The following CELSR2 variants were observed in gnomAD, a reference collection of about 807,000 sequenced individuals.
CELSR2 encodes cadherin EGF LAG seven-pass G-type receptor 2.
Under a neutral mutation model 251.6 loss-of-function variants are expected in CELSR2, and 81 were observed. The ratio of observed to expected loss-of-function variants is 0.32; its 90% CI spans 0.27 to 0.39. CELSR2 has a LOEUF of 0.39. CELSR2 is among the 10% of genes least tolerant of loss of function. The pLI is 1.00. For missense variants in CELSR2, 3,365 were observed against 3,947.7 expected, an observed-to-expected ratio of 0.85 and a Z score of 3.96; for synonymous variants, 1,721 against 1,670.5, an observed-to-expected ratio of 1.03 and a Z score of -0.74.
rs1249108184 is a variant in CELSR2, at chr1:109,250,187, C to T, written c.108C>T (p.Pro36=). Residue 36 remains proline (P), a synonymous_variant, in exon 1 of 34, where the codon CCC becomes CCT. Coordinates refer to ENST00000271332, the MANE Select transcript of CELSR2 (RefSeq NM_001408.3). This position sits in a 1 kb window ranked among gnomAD's most constrained non-coding sequence, Gnocchi z 4.4. ...CACTATTGGGAGACCAAGTGGGGCC[C>T]TGTCGTTCCTTGGGGTCCAGGGGAC... ...PPPLLGDQVG[P]CRSLGSRGRG... is the part of the protein sequence containing the mutation. The T allele has an allele frequency of 2.5e-6, 4 of 1,601,064 alleles. No homozygotes were observed. The highest frequency in any genetic ancestry group is 2.6e-6 in the Non-Finnish European group (3 of 1,175,466).
At chr1:109,260,732 A>G (rs548417376) in intron 2 of CELSR2, among the ~76,000 whole-genome samples, 2 of 152,276 alleles carry the variant, frequency 1.3e-5, no homozygotes, top group African/African-American at 4.8e-5. Flanking sequence ...CAAGTGTCCC[A>G]GCAGGCCTGT....
In CELSR2 at chr1:109,264,872, C is replaced by T; in HGVS notation, c.5469C>T (p.Tyr1823=). The part of the protein sequence containing the change: ...DSYSCSCDPG[Y]YGDNCTNVCD... ...CTCTGGTCCTTCTGGTCCCAGGTTA[C>T]TATGGTGACAACTGTACTAATGTGT... is the stretch of plus-strand genomic sequence containing the variant. The change falls in exon 12 of 34, where the codon TAC becomes TAT. Residue 1823 remains tyrosine, a synonymous_variant. Coordinates refer to ENST00000271332, the MANE Select transcript of CELSR2 (RefSeq NM_001408.3). 3 of 1,614,196 alleles carry T rather than the reference C, an allele frequency of 1.9e-6. No individual in the cohort carries two copies. Among genetic ancestry groups the T allele is most frequent in the Non-Finnish European group, 1.7e-6 (2 of 1,180,024 alleles).
chr1:109,264,278 G>A lies in CELSR2; in HGVS notation c.5202G>A (p.Leu1734=). The change falls in exon 10 of 34, where the codon CTG becomes CTA. Residue 1734 remains leucine, a synonymous_variant. Transcript: ENST00000271332. The part of the protein sequence containing the change: ...QRAEGNLGPR[L]HGLHLSNITV... ...CAGAGGGCAACCTGGGCCCCCGGCT[G>A]CATGGTCTGCACCTGAGCAACATAA... 1 of 1,613,966 alleles carries A rather than the reference G, an allele frequency of 6.2e-7. No individual in the cohort carries two copies. The highest frequency in any genetic ancestry group is 8.5e-7 in the Non-Finnish European group (1 of 1,180,008).
rs202182372 is a variant in CELSR2, at chr1:109,273,561, C to A, written c.8635C>A (p.Pro2879Thr). The change falls in exon 33 of 34, where the codon CCT becomes ACT. Residue 2879 changes from proline (P) to threonine (T), a missense_variant. This residue lies in a region of CELSR2 where 2,093 missense variants were observed against 2,382.8 expected (regional missense o/e 0.88). Coordinates refer to ENST00000271332, the MANE Select transcript of CELSR2 (RefSeq NM_001408.3). ...SASEGSRGGP[P>T]PRPPPRQSLQ... ...TAGTGAGGGCAGCCGGGGAGGCCCC[C>A]CTCCCCGCCCACCGCCCCGGCAGAG... 4.2e-4 allele frequency: 656 copies of A among 1,568,400 alleles called. No individual in the cohort carries two copies. The highest frequency in any genetic ancestry group is 5.2e-4 in the Non-Finnish European group (598 of 1,157,168).
rs1305911611 is a variant in CELSR2, at chr1:109,249,903, TC to T, written c.-176del. 2 of 454,696 alleles carry T rather than the reference TC, an allele frequency of 4.4e-6. No homozygotes were observed. Among genetic ancestry groups the T allele is most frequent in the African/African-American group, 4.2e-5 (2 of 47,480 alleles). The allele number at this position is 454,696 out of a possible 1,614,324, so 28.2% of individuals were successfully genotyped here. A position where few individuals can be genotyped will look rare whatever the true frequency, so the allele number is the denominator to read the frequency against. On this transcript the variant is annotated 5_prime_UTR_variant, in exon 1 of 34. Coordinates refer to ENST00000271332, the MANE Select transcript of CELSR2 (RefSeq NM_001408.3). ...AGGGGGCAGTGGGAGCCCGGGCTCG[TC>T]GGAGGGTGCAGCGCGGGGTCCCGCC...
Position 109,258,863 on chromosome 1 carries a change from C to CGCT in CELSR2, c.3743_3745dup (p.Arg1248_Phe1249insCys), listed in dbSNP as rs1312903083. The CGCT allele has an allele frequency of 2.5e-6, 4 of 1,612,208 alleles. No individual in the cohort carries two copies. In the African/African-American group the frequency reaches 5.3e-5, roughly 22 times the overall value. The stretch of plus-strand genomic sequence containing the variant: ...CTACATGCGCTGCGTGTCGGTGCTG[C>CGCT]GCTTCGACTCCTCCGCGCCCTTCAT... On this transcript the variant is annotated inframe_insertion, in exon 2 of 34. Transcript: ENST00000271332.
rs1333372374 is a variant in CELSR2 at position 109,274,065 on chromosome 1, C to T, written c.*16C>T. On this transcript the variant is annotated 3_prime_UTR_variant, in exon 34 of 34. Coordinates refer to ENST00000271332, the MANE Select transcript of CELSR2 (RefSeq NM_001408.3). Reference sequence around the variant, plus strand: ...CCTGCATTAACCCTGGGCCGTGGTTCCTACGCCCGAGGCTCCCTTCCCTTC... The same window carrying T: ...CCTGCATTAACCCTGGGCCGTGGTTTCTACGCCCGAGGCTCCCTTCCCTTC... The T allele has an allele frequency of 6.2e-7, 1 of 1,613,968 alleles. No homozygotes were observed. Among genetic ancestry groups the T allele is most frequent in the African/African-American group, 1.3e-5 (1 of 74,904 alleles).
Position 109,261,484 on chromosome 1 carries a change from C to T in CELSR2, c.4182-29C>T. The T allele has an allele frequency of 6.3e-7, 1 of 1,596,248 alleles. No individual in the cohort carries two copies. Among genetic ancestry groups the T allele is most frequent in the South Asian group, 1.1e-5 (1 of 90,758 alleles). ...CTGGCATCCAGGTGGGTACCCCATT[C>T]CCTGCCCCCATCCCCAACTCCTGTT... On this transcript the variant is annotated intron_variant, in intron 3 of 33. Transcript: ENST00000271332. The surrounding 1 kb of genome is among the most constrained non-coding windows in gnomAD (Gnocchi z 4.8).
Position 109,261,639 on chromosome 1 carries a change from T to C in CELSR2, c.4297+11T>C. On this transcript the variant is annotated intron_variant, in intron 4 of 33. Coordinates refer to ENST00000271332, the MANE Select transcript of CELSR2 (RefSeq NM_001408.3). The surrounding 1 kb of genome is among the most constrained non-coding windows in gnomAD (Gnocchi z 4.8). The stretch of plus-strand genomic sequence containing the variant: ...TCACCTTCTCTGCAGGTGATCACAG[T>C]TGCCCCCCATCCTTGCCCATCTTCC... 1 of 1,605,926 alleles carries C rather than the reference T, an allele frequency of 6.2e-7. No homozygotes were observed. Among genetic ancestry groups the C allele is most frequent in the Non-Finnish European group, 8.5e-7 (1 of 1,172,534 alleles).
Position 109,268,020 on chromosome 1 carries a change from G to A in CELSR2, c.6278G>A (p.Gly2093Asp). Residue 2093 changes from glycine to aspartate, a missense_variant, in exon 17 of 34, where the codon GGC becomes GAC. Transcript: ENST00000271332. The part of the protein sequence containing the change: ...RLLAHESTQR[G>D]FGLSATQDVH... ...CTGGCCCACGAGAGCACCCAGCGGG[G>A]CTTTGGGCTGTCTGCCACACAGGAC... 6.2e-7 allele frequency: 1 copy of A among 1,607,828 alleles called. No homozygotes were observed. Among genetic ancestry groups the A allele is most frequent in the Non-Finnish European group, 8.5e-7 (1 of 1,178,754 alleles).
chr1:109,255,718 A>G (rs1655824911), intron 1 of CELSR2, among the ~76,000 whole-genome samples: 1 of 152,234 alleles, frequency 6.6e-6, no homozygotes, highest in East Asian at 1.9e-4. Context: ...CCAGGAAGAC[A>G]GCTCAGGCAA....
At position 109,272,726 on chromosome 1, in the gene CELSR2, A is replaced by G; in HGVS notation, c.8141A>G (p.His2714Arg). Residue 2714 changes from histidine to arginine, a missense_variant and splice_region_variant, in exon 30 of 34, where the codon CAT becomes CGT. His to Arg is a conservative substitution (Grantham distance 29, BLOSUM62 0). Around this residue, in one of 5 missense-constraint regions of CELSR2, gnomAD observed 2,093 missense variants for 2,382.8 expected, o/e 0.88. Transcript: ENST00000271332. ...TTCCTGGAAGGTCAAGACCAGCAGC[A>G]TGGTGAGGACAGAACGCTCTGGCCA... ...SLFLEGQDQQHDPDTDSDSDL... is the reference protein window; with the variant it reads ...SLFLEGQDQQRDPDTDSDSDL... 1.2e-6 allele frequency: 2 copies of G among 1,613,752 alleles called. No homozygotes were observed. Among genetic ancestry groups the G allele is most frequent in the Non-Finnish European group, 1.7e-6 (2 of 1,179,908 alleles).
chr1:109,271,553 G>A, intron 27 of CELSR2, 41 bp downstream of exon 27: 2 of 1,614,152 alleles, frequency 1.2e-6, no homozygotes, highest in Non-Finnish European at 1.7e-6. Flanking sequence ...CACCTGGGCT[G>A]TGGATGCCTG....
rs200664103 is a variant in CELSR2, at chr1:109,251,787, C to T, written c.1708C>T (p.Arg570Trp). 25 of 1,613,998 alleles carry T rather than the reference C, an allele frequency of 1.5e-5. No individual in the cohort carries two copies. The East Asian group carries it at 2.2e-4, about 14-fold the overall frequency. ...GWISVAAELD[R>W]EEVDFYSFGV... ...GATCTCTGTGGCTGCTGAACTGGAC[C>T]GGGAGGAAGTTGATTTCTACAGCTT... Residue 570 changes from arginine to tryptophan, a missense_variant, in exon 1 of 34, where the codon CGG becomes TGG. Physicochemically the swap from Arg to Trp is moderately radical, Grantham distance 101. Coordinates refer to ENST00000271332, the MANE Select transcript of CELSR2 (RefSeq NM_001408.3). The surrounding 1 kb of genome is among the most constrained non-coding windows in gnomAD (Gnocchi z 4.9).
At position 109,271,010 on chromosome 1, in the gene CELSR2, T is replaced by C. The variant is rs755936208; in HGVS notation, c.7567T>C (p.Phe2523Leu). 2 of 1,613,536 alleles carry C rather than the reference T, an allele frequency of 1.2e-6. No individual in the cohort carries two copies. Among genetic ancestry groups the C allele is most frequent in the Non-Finnish European group, 1.7e-6 (2 of 1,179,948 alleles). The change falls in exon 25 of 34, where the codon TTT becomes CTT. Residue 2523 changes from phenylalanine to leucine, a missense_variant. By Grantham distance (22) the Phe-to-Leu change is conservative (BLOSUM62 0). Around this residue, in one of 5 missense-constraint regions of CELSR2, gnomAD observed 2,093 missense variants for 2,382.8 expected, o/e 0.88. Coordinates refer to ENST00000271332, the MANE Select transcript of CELSR2 (RefSeq NM_001408.3). The stretch of plus-strand genomic sequence containing the variant: ...CATCTATGACACGCTCATCTGGAGT[T>C]TTGCTGGCCCGGTGGCCTTTGCCGT... ...LSIYDTLIWSFAGPVAFAVSM... is the reference protein window; with the variant it reads ...LSIYDTLIWSLAGPVAFAVSM...
At position 109,263,243 on chromosome 1, in the gene CELSR2, T is replaced by A; in HGVS notation, c.4810T>A (p.Phe1604Ile). The change falls in exon 8 of 34, where the codon TTT (phenylalanine) becomes ATT (isoleucine). Residue 1604 changes from phenylalanine to isoleucine, a missense_variant. Transcript: ENST00000271332. ...DAFSCECPLG[F>I]GGKSCAQEMA... Reference sequence around the variant, plus strand: ...GTTCAGCTGCGAGTGCCCCCTGGGCTTTGGGGGCAAGAGCTGCGCCCAGGG... The same window carrying A: ...GTTCAGCTGCGAGTGCCCCCTGGGCATTGGGGGCAAGAGCTGCGCCCAGGG... 6.3e-7 allele frequency: 1 copy of A among 1,585,304 alleles called. No individual in the cohort carries two copies. The highest frequency in any genetic ancestry group is 1.1e-5 in the South Asian group (1 of 89,914).
Position 109,271,286 on chromosome 1 carries a change from A to G in CELSR2, c.7666A>G (p.Lys2556Glu). Residue 2556 changes from lysine (K) to glutamate (E), a missense_variant, in exon 26 of 34, where the codon AAA becomes GAA. By Grantham distance (56) the Lys-to-Glu change is moderately conservative (BLOSUM62 1). Transcript: ENST00000271332. ...CAAQRQGFEK[K>E]GPVSGLQPSF... is the part of the protein sequence containing the mutation. ...TGCCCAGCGGCAGGGCTTTGAGAAG[A>G]AAGGTCCTGTGTGAGTATAGGGTTG... 4 of 1,613,750 alleles carry G rather than the reference A, an allele frequency of 2.5e-6. No homozygotes were observed. The highest frequency in any genetic ancestry group is 3.4e-6 in the Non-Finnish European group (4 of 1,179,960).
In CELSR2 at chr1:109,261,794, G is replaced by T. The variant is rs1416884777; in HGVS notation, c.4298-14G>T. 1.3e-6 allele frequency: 2 copies of T among 1,583,512 alleles called. No individual in the cohort carries two copies. The highest frequency in any genetic ancestry group is 3.6e-5 in the Admixed American group (2 of 56,174). The stretch of plus-strand genomic sequence containing the variant: ...CCTCGTCAGGCATTCCAGCTCACCT[G>T]GTCCTTTCCCCAGGGGAGTCAACCA... On this transcript the variant is annotated splice_polypyrimidine_tract_variant and intron_variant, in intron 4 of 33. Coordinates refer to ENST00000271332, the MANE Select transcript of CELSR2 (RefSeq NM_001408.3). The surrounding 1 kb of genome is among the most constrained non-coding windows in gnomAD (Gnocchi z 4.8).
chr1:109,266,439 A>G, intron 15 of CELSR2: 1 of 488,662 alleles, frequency 2.0e-6, no homozygotes, highest in Non-Finnish European at 3.6e-6. Context: ...TCTGGGACAG[A>G]GTCTGTCACT....
Sources: gnomAD v4.1 joint callset for allele counts (sites outside exome capture counted in the v4.1 genomes callset) on GRCh38, gnomAD v4.1.1 for gene constraint, gnomAD v4.1.1 regional missense constraint, Gnocchi (gnomAD v3.1) non-coding constraint, MANE v1.5 for transcripts, NCBI Gene and HGNC (gene_info 2026-07-23, HGNC 2026-07-21) for gene names.